NDUFS1: variants seen among roughly 807,000 people sequenced by gnomAD.
NDUFS1 encodes the protein NADH-ubiquinone oxidoreductase 75 kDa subunit, mitochondrial.
Under a neutral mutation model 84.4 loss-of-function variants are expected in NDUFS1, and 61 were observed. The observed-to-expected ratio is 0.72, with a 90% CI of 0.59 to 0.89. The LOEUF is 0.89. Among genes scored for constraint, NDUFS1 ranks in the 40% least tolerant of loss-of-function variants. The pLI, the probability that NDUFS1 is intolerant of heterozygous loss-of-function variation, is 0.00. For synonymous variants in NDUFS1, 275 were observed against 290.0 expected, an observed-to-expected ratio of 0.95 and a Z score of 0.53; for missense variants, 891 against 890.0, an observed-to-expected ratio of 1.00 and a Z score of -0.01.
chr2:206,144,194 T>C, intron 9 of NDUFS1, 62 bp from the exon 10 acceptor site: 1 of 1,259,906 alleles, frequency 7.9e-7, no homozygotes, highest in Non-Finnish European at 1.2e-6. Context: ...AATTTTCAAG[T>C]TAAATCAACA....
intron 7 of NDUFS1, 27 bp downstream of exon 7, chr2:206,147,503 TA>T: frequency 6.3e-7 from 1 of 1,594,074 alleles, no homozygotes; most frequent in Non-Finnish European, 8.6e-7. Context: ...TTATATTCTA[TA>T]ATAGAAAAAA....
At chr2:206,142,972 C>CTGGG in intron 10 of NDUFS1, 141 bp from the exon 11 acceptor site, 1 of 1,198,890 alleles carries the variant, frequency 8.3e-7, no homozygotes, top group African/African-American at 1.5e-5. Flanking sequence ...TACAACATGC[C>CTGGG]CAGGCACACT....
chr2:206,144,831 A>G (rs779183172), intron 9 of NDUFS1, 61 bp downstream of exon 9: 2 of 1,538,614 alleles, frequency 1.3e-6, no homozygotes, highest in Non-Finnish European at 8.9e-7. Context: ...ATTCTTCAAA[A>G]TTATTATAAA....
In NDUFS1 at chr2:206,133,082, T is replaced by C. The variant is rs139893194; in HGVS notation, c.1416A>G (p.Pro472=). Residue 472 remains proline, a synonymous_variant, in exon 14 of 19, where the codon CCA becomes CCG. Coordinates refer to ENST00000233190, the MANE Select transcript of NDUFS1 (RefSeq NM_005006.7). ...GTGCAGAACTGCCTAAAACCACCATTGGTTTTTTAGCTTCCTTTAGGACCT... is the reference window on the plus strand; with the variant it reads ...GTGCAGAACTGCCTAAAACCACCATCGGTTTTTTAGCTTCCTTTAGGACCT... ...FSQVLKEAKK[P]MVVLGSSALQ... is the part of the protein sequence containing the mutation. 2.0e-5 allele frequency: 32 copies of C among 1,613,026 alleles called. No individual in the cohort carries two copies. The African/African-American group carries it at 3.5e-4, about 18-fold the overall frequency.
intron 2 of NDUFS1, among the ~76,000 whole-genome samples, 193 bp from the exon 3 acceptor site, chr2:206,152,703 CTTTTTTTTTTTT>C (rs71034411): frequency 8.2e-6 from 1 of 121,284 alleles, no homozygotes. Context: ...CTTTCTTCTT[CTTTTTTTTTTTT>C]TTTTTTTGAG....
intron 7 of NDUFS1, among the ~76,000 whole-genome samples, chr2:206,147,315 T>C (rs1334097996): frequency 6.6e-6 from 1 of 152,194 alleles, no homozygotes; most frequent in Non-Finnish European, 1.5e-5. Context: ...CACCAAGTTA[T>C]GAGTGAAAGC....
chr2:206,154,784 C>T (rs1005582163), intron 1 of NDUFS1, among the ~76,000 whole-genome samples: 2 of 151,702 alleles, frequency 1.3e-5, no homozygotes, highest in Admixed American at 6.6e-5. Flanking sequence ...CCACCACACC[C>T]GACTAATTTT....
intron 3 of NDUFS1, among the ~76,000 whole-genome samples, chr2:206,151,465 C>A (rs969433635): frequency 3.3e-5 from 5 of 152,158 alleles, no homozygotes; most frequent in Admixed American, 6.5e-5. Flanking sequence ...GCACCCAATA[C>A]CTCTTTCTAC....
chr2:206,124,345 T>C, intron 18 of NDUFS1, 69 bp from the exon 19 acceptor site: 1 of 1,152,776 alleles, frequency 8.7e-7, no homozygotes. Context: ...AAAACTTTAA[T>C]GGTGCACATA....
chr2:206,158,030 C>G (rs1285793561), intron 1 of NDUFS1, among the ~76,000 whole-genome samples: 1 of 147,024 alleles, frequency 6.8e-6, no homozygotes, highest in African/African-American at 2.6e-5. Context: ...GCGGAGCGAT[C>G]TCGGCTCACT....
At chr2:206,145,848 T>C (rs1692134701) in intron 8 of NDUFS1, among the ~76,000 whole-genome samples, 1 of 152,178 alleles carries the variant, frequency 6.6e-6, no homozygotes, top group East Asian at 1.9e-4. Flanking sequence ...CAAACTTGTT[T>C]GTGGAGGTGA....
Position 206,147,626 on chromosome 2 carries a change from T to C in NDUFS1, c.456A>G (p.Arg152=). The change falls in exon 7 of 19, where the codon CGA becomes CGG. Residue 152 remains arginine, a synonymous_variant. Transcript: ENST00000233190. ...QSMMFGNDRS[R]FLEGKRAVED... ...CCACAGCACGCTTCCCCTCTAAAAA[T>C]CGGCTCCTATCATTTCCAAACATCA... The C allele has an allele frequency of 6.2e-7, 1 of 1,614,140 alleles. No homozygotes were observed.
chr2:206,116,472 C>A lies in NDUFS1; in HGVS notation c.*7713G>T, dbSNP rs1454540375. On this transcript the variant is annotated 3_prime_UTR_variant, in exon 19 of 19. Transcript: ENST00000233190. ...CACGTGCAGGCTGCAGAGCACGGCC[C>A]GCACGCTCCGCACCACTCGCAGCGC... The A allele has an allele frequency of 8.5e-7, 1 of 1,178,362 alleles. No individual in the cohort carries two copies. The highest frequency in any genetic ancestry group is 1.2e-6 in the Non-Finnish European group (1 of 822,306). 73.0% of individuals were successfully genotyped at this position (1,178,362 alleles called of 1,614,324 possible).
Position 206,141,572 on chromosome 2 carries a change from T to A in NDUFS1, c.1262+369A>T, listed in dbSNP as rs1027517685. ...AAAAATAAAAATAAAAATAATTTTT[T>A]AAAAATCTAAAAAATTAAAAAAATT... On this transcript the variant is annotated intron_variant, in intron 12 of 18. Transcript: ENST00000233190. 2.2e-5 allele frequency among the ~76,000 whole-genome samples: 3 copies of A among 136,906 alleles called. No homozygotes were observed. In the Admixed American group the frequency reaches 2.3e-4, roughly 10 times the overall value. 89.8% of individuals were successfully genotyped at this position (136,906 alleles called of 152,430 possible).
chr2:206,126,897 A>G, intron 16 of NDUFS1, 53 bp from the exon 17 acceptor site: 1 of 1,599,550 alleles, frequency 6.3e-7, no homozygotes, highest in Non-Finnish European at 8.6e-7. Context: ...ACTTAAAAAT[A>G]TCAAATAATA....
chr2:206,142,896 T>G (rs1418314845), intron 10 of NDUFS1, 65 bp from the exon 11 acceptor site: 2 of 1,588,282 alleles, frequency 1.3e-6, no homozygotes, highest in Admixed American at 3.5e-5. Context: ...AATGAAATGT[T>G]CAGAAAATAA....
chr2:206,144,812 T>C, intron 9 of NDUFS1, 80 bp downstream of exon 9: 1 of 1,458,866 alleles, frequency 6.9e-7, no homozygotes, highest in Non-Finnish European at 9.4e-7. Context: ...TTTGCAAATA[T>C]AAAAGATAAT....
chr2:206,133,126 CTTTGATTTTAAAATA>C (rs1465987503), intron 13 of NDUFS1, 21 bp from the exon 14 acceptor site: 1 of 1,555,950 alleles, frequency 6.4e-7, no homozygotes, highest in East Asian at 2.3e-5. Context: ...AAAAAAACAA[CTTTGATTTTAAAATA>C]TTACAAGTAA....
intron 13 of NDUFS1, among the ~76,000 whole-genome samples, chr2:206,138,269 CAG>C (rs991052162): frequency 6.6e-6 from 1 of 152,174 alleles, no homozygotes; most frequent in Admixed American, 6.6e-5. Context: ...TTAGTAGAGA[CAG>C]GGTTTCACCG....
Sources: allele counts gnomAD v4.1 joint callset (sites outside exome capture counted in the v4.1 genomes callset), GRCh38; gene constraint gnomAD v4.1.1; transcripts MANE v1.5; gene names NCBI Gene and HGNC (gene_info 2026-07-23, HGNC 2026-07-21).